Variants in ARIH1 observed in about 807,000 individuals in gnomAD.
ARIH1 encodes the protein E3 ubiquitin-protein ligase ARIH1.
Under a neutral mutation model 85.0 loss-of-function variants are expected in ARIH1, and 8 were observed. That is an observed-to-expected ratio of 0.09 (90% confidence interval 0.06 to 0.17). The LOEUF (loss-of-function observed/expected upper bound fraction) is 0.17, where lower values mean the gene tolerates loss of function less well. ARIH1 is among the 10% of genes least tolerant of loss of function. The probability of loss-of-function intolerance (pLI) is 1.00; values close to 1 mark genes in which losing one functional copy is unlikely to be tolerated. For synonymous variants in ARIH1, 238 were observed against 253.6 expected (o/e 0.94, Z 0.59); for missense variants, 311 against 718.1 (o/e 0.43, Z 6.48).
At chr15:72,537,649 A>C (rs1164135991) in intron 2 of ARIH1, among the ~76,000 whole-genome samples, 1 of 152,144 alleles carries the variant, frequency 6.6e-6, no homozygotes, top group Non-Finnish European at 1.5e-5. Flanking sequence ...TTTTCCCTTA[A>C]ATGTACATTT....
At chr15:72,571,328 A>G (rs538707107) in intron 10 of ARIH1, among the ~76,000 whole-genome samples, 5 of 152,242 alleles carry the variant, frequency 3.3e-5, no homozygotes, top group African/African-American at 1.2e-4. Flanking sequence ...AAAATAATGC[A>G]TATTTCATAA....
intron 1 of ARIH1, among the ~76,000 whole-genome samples, chr15:72,508,098 A>G (rs1369180818): frequency 1.3e-5 from 2 of 152,202 alleles, no homozygotes; most frequent in Non-Finnish European, 2.9e-5. Context: ...GGCAAAGCCC[A>G]ATTAATGGTA....
chr15:72,476,628 G>A (rs1391221202), intron 1 of ARIH1, among the ~76,000 whole-genome samples: 2 of 152,156 alleles, frequency 1.3e-5, no homozygotes, highest in Non-Finnish European at 2.9e-5. Flanking sequence ...CTCCCAAAGC[G>A]CTGGATTACA....
At chr15:72,512,431 G>A (rs769111929) in intron 1 of ARIH1, among the ~76,000 whole-genome samples, 1 of 151,274 alleles carries the variant, frequency 6.6e-6, no homozygotes, top group Non-Finnish European at 1.5e-5. Context: ...CAAAGAGTTT[G>A]TAGTATTTGC....
rs925992950 is a variant in ARIH1 at position 72,475,097 on chromosome 15, C to T, written c.375+83C>T. On this transcript the variant is annotated intron_variant, in intron 1 of 13. Transcript: ENST00000379887. Reference sequence around the variant, plus strand: ...GCACGCGCGGTCCCGAGGGACAGGCCTGGGCCTGGTGCGCAGCCTAGCCCG... The same window carrying T: ...GCACGCGCGGTCCCGAGGGACAGGCTTGGGCCTGGTGCGCAGCCTAGCCCG... The T allele has an allele frequency of 6.6e-6, 10 of 1,519,558 alleles. No homozygotes were observed. In the African/African-American group the frequency reaches 8.5e-5, roughly 13 times the overall value. The allele number at this position is 1,519,558 out of a possible 1,614,324, so 94.1% of individuals were successfully genotyped here.
At chr15:72,578,228 C>CA (rs1257669520) in intron 11 of ARIH1, among the ~76,000 whole-genome samples, 1 of 152,180 alleles carries the variant, frequency 6.6e-6, no homozygotes, top group Non-Finnish European at 1.5e-5. Flanking sequence ...ACTGCGAAGT[C>CA]ACGCGCAACA....
chr15:72,557,071 G>A, intron 5 of ARIH1, among the ~76,000 whole-genome samples: 1 of 151,924 alleles, frequency 6.6e-6, no homozygotes, highest in East Asian at 1.9e-4. Flanking sequence ...TTTTCCCTGT[G>A]ATCTCACCAA....
intron 2 of ARIH1, 119 bp from the exon 3 acceptor site, chr15:72,544,701 G>T (rs1175245933): frequency 1.1e-6 from 1 of 914,086 alleles, no homozygotes; most frequent in East Asian, 2.5e-5. Flanking sequence ...TAAAAAGGTT[G>T]TTATCTTGTT....
chr15:72,510,343 C>T (rs1047242678), intron 1 of ARIH1, among the ~76,000 whole-genome samples: 10 of 152,024 alleles, frequency 6.6e-5, no homozygotes, highest in South Asian at 2.1e-4. Context: ...GATGTATGTA[C>T]GAACTATTTG....
At chr15:72,519,216 A>G (rs1056609299) in intron 2 of ARIH1, among the ~76,000 whole-genome samples, 10 of 152,196 alleles carry the variant, frequency 6.6e-5, no homozygotes, top group Non-Finnish European at 1.5e-4. Flanking sequence ...AATGGAAAGT[A>G]TTTCCCATTT....
chr15:72,489,269 A>AG (rs2063849321), intron 1 of ARIH1, among the ~76,000 whole-genome samples: 1 of 151,014 alleles, frequency 6.6e-6, no homozygotes, highest in South Asian at 2.1e-4. Flanking sequence ...AAAAAAAAAA[A>AG]GACAGTTGAA....
At position 72,563,972 on chromosome 15, in the gene ARIH1, C is replaced by G. The variant is rs1293156837; in HGVS notation, c.911+472C>G. ...TTTTGGAGTTCTATAGTATACTCTTCAGCCTCTGAATTCTAGATTTGAACT... is the reference window on the plus strand; with the variant it reads ...TTTTGGAGTTCTATAGTATACTCTTGAGCCTCTGAATTCTAGATTTGAACT... On this transcript the variant is annotated intron_variant, in intron 7 of 13. Coordinates refer to ENST00000379887, the MANE Select transcript of ARIH1 (RefSeq NM_005744.5). Among the ~76,000 whole-genome samples the G allele has an allele frequency of 2.6e-5, 4 of 152,306 alleles. No individual in the cohort carries two copies. In the East Asian group the frequency reaches 5.8e-4, roughly 22 times the overall value.
intron 2 of ARIH1, among the ~76,000 whole-genome samples, chr15:72,536,951 TCTA>T (rs757287255): frequency 2.6e-5 from 4 of 152,164 alleles, no homozygotes; most frequent in African/African-American, 4.8e-5. Context: ...CAAAAAGTAT[TCTA>T]CTTTTTCTGA....
chr15:72,483,278 G>A (rs956843910), intron 1 of ARIH1, among the ~76,000 whole-genome samples: 1 of 152,198 alleles, frequency 6.6e-6, no homozygotes, highest in Non-Finnish European at 1.5e-5. Flanking sequence ...TCAGTTCCTT[G>A]CCATGTGGGC....
intron 11 of ARIH1, among the ~76,000 whole-genome samples, chr15:72,577,145 G>C (rs750831889): frequency 1.3e-5 from 2 of 151,556 alleles, no homozygotes; most frequent in African/African-American, 2.4e-5. Flanking sequence ...ACCATGCCTG[G>C]CTAATTTTTT....
chr15:72,544,254 GTAA>G (rs1352749489), intron 2 of ARIH1, among the ~76,000 whole-genome samples: 5 of 151,948 alleles, frequency 3.3e-5, no homozygotes, highest in Admixed American at 3.3e-4. Flanking sequence ...AATGAGACAC[GTAA>G]TAATTATATT....
chr15:72,515,513 C>G (rs2063971249), intron 1 of ARIH1, among the ~76,000 whole-genome samples: 1 of 152,080 alleles, frequency 6.6e-6, no homozygotes. Context: ...CTATCGCGGA[C>G]ATTTTGAATA....
chr15:72,499,818 C>T (rs1286147196), intron 1 of ARIH1, among the ~76,000 whole-genome samples: 1 of 152,164 alleles, frequency 6.6e-6, no homozygotes, highest in Non-Finnish European at 1.5e-5. Flanking sequence ...CATCATTCTC[C>T]TGTGTTGGAG....
At chr15:72,476,955 A>G (rs1231835351) in intron 1 of ARIH1, among the ~76,000 whole-genome samples, 1 of 152,188 alleles carries the variant, frequency 6.6e-6, no homozygotes, top group Non-Finnish European at 1.5e-5. Context: ...TCAATCTGTT[A>G]TTTGCCTTCC....
Sources: gnomAD v4.1 joint callset for allele counts (sites outside exome capture counted in the v4.1 genomes callset) on GRCh38, gnomAD v4.1.1 for gene constraint, MANE v1.5 for transcripts, NCBI Gene and HGNC (gene_info 2026-07-23, HGNC 2026-07-21) for gene names.